ABHD3: variants seen among roughly 807,000 people sequenced by gnomAD.
The protein encoded by ABHD3 is phospholipase ABHD3.
ABHD3 carries 46 observed loss-of-function variants against 48.8 expected under a neutral mutation model. The observed-to-expected ratio is 0.94, with a 90% CI of 0.74 to 1.20. ABHD3 has a LOEUF of 1.20. ABHD3 is among the 50% of genes most tolerant of loss of function. The pLI is 0.00. For missense variants in ABHD3, 490 were observed against 497.8 expected, an observed-to-expected ratio of 0.98 and a Z score of 0.15; for synonymous variants, 192 against 183.7, an observed-to-expected ratio of 1.04 and a Z score of -0.36.
chr18:21,694,576 G>A (rs768632584), intron 3 of ABHD3, among the ~76,000 whole-genome samples: 3 of 152,148 alleles, frequency 2.0e-5, no homozygotes, highest in Non-Finnish European at 2.9e-5. Context: ...CTCTAAGTAG[G>A]AAATAAAGTA....
intron 3 of ABHD3, among the ~76,000 whole-genome samples, chr18:21,698,517 T>C (rs747461320): frequency 2.0e-5 from 3 of 151,814 alleles, no homozygotes; most frequent in East Asian, 1.9e-4. Context: ...GGCCAGGGAA[T>C]AGATGATGAG....
chr18:21,670,142 T>C (rs2039723935), intron 4 of ABHD3, among the ~76,000 whole-genome samples: 1 of 152,126 alleles, frequency 6.6e-6, no homozygotes, highest in Admixed American at 6.6e-5. Flanking sequence ...TTGAAGCCTA[T>C]CCTGGAGGAT....
intron 3 of ABHD3, among the ~76,000 whole-genome samples, chr18:21,700,954 A>G (rs1239943091): frequency 1.5e-5 from 1 of 67,362 alleles, no homozygotes; most frequent in East Asian, 5.3e-4. Flanking sequence ...TTTGGCCTCA[A>G]AAAAAAAAAA....
rs572353320 is a variant in ABHD3 at position 21,651,794 on chromosome 18, GAGA to G, written c.1058-34_1058-32del. On this transcript the variant is annotated intron_variant, in intron 8 of 8. Coordinates refer to ENST00000289119, the MANE Select transcript of ABHD3 (RefSeq NM_138340.5). Reference sequence around the variant, plus strand: ...GACCAAAAAAAACATGGCAATAAGAGAGAAGAAGGAGAGAGAAAAATATAATCA... The same window carrying G: ...GACCAAAAAAAACATGGCAATAAGAGAGAAGGAGAGAGAAAAATATAATCA... The G allele has an allele frequency of 4.0e-4, 597 of 1,489,926 alleles. 2 individuals are homozygous for G. The highest frequency in any genetic ancestry group is 1.1e-3 in the Middle Eastern group (6 of 5,420). The allele number at this position is 1,489,926 out of a possible 1,614,324, so 92.3% of individuals were successfully genotyped here. A position where few individuals can be genotyped will look rare whatever the true frequency, so the allele number is the denominator to read the frequency against.
chr18:21,676,717 C>T (rs1204673359), intron 4 of ABHD3, among the ~76,000 whole-genome samples: 3 of 152,184 alleles, frequency 2.0e-5, no homozygotes, highest in Non-Finnish European at 2.9e-5. Flanking sequence ...TCTATCTCAG[C>T]TCCTTATCTT....
rs146631314 is a variant in ABHD3 at position 21,681,939 on chromosome 18, C to G, written c.555+1981G>C. On this transcript the variant is annotated intron_variant, in intron 4 of 8. Transcript: ENST00000289119. ...AGGAGTTTAAGAGCAGCCTGGGCAA[C>G]AGAGTGAGACCCCATCTCTACAAAA... Among the ~76,000 whole-genome samples the G allele has an allele frequency of 9.9e-5, 15 of 152,174 alleles. No homozygotes were observed. The East Asian group carries it at 2.7e-3, about 27-fold the overall frequency.
intron 4 of ABHD3, among the ~76,000 whole-genome samples, chr18:21,678,525 T>G (rs2039939279): frequency 2.0e-5 from 3 of 152,150 alleles, no homozygotes; most frequent in African/African-American, 7.2e-5. Context: ...TTGCCTATTT[T>G]GAATATTAGT....
chr18:21,692,629 C>T (rs866476937), intron 3 of ABHD3, among the ~76,000 whole-genome samples: 26 of 152,254 alleles, frequency 1.7e-4, no homozygotes, highest in African/African-American at 2.2e-4. Context: ...GTGTCTTTAA[C>T]GTGAGGAAGC....
chr18:21,651,920 G>T (rs1287530310), intron 8 of ABHD3, among the ~76,000 whole-genome samples, 157 bp from the exon 9 acceptor site: 1 of 152,072 alleles, frequency 6.6e-6, no homozygotes, highest in East Asian at 1.9e-4. Context: ...ATAGTTAAAT[G>T]GAATGAGTCT....
chr18:21,657,219 A>C, intron 6 of ABHD3, 67 bp from the exon 7 acceptor site: 1 of 1,448,462 alleles, frequency 6.9e-7, no homozygotes. Context: ...AAAAGGACTT[A>C]AAAACAAATT....
rs1462347055 is a variant in ABHD3, at chr18:21,657,049, AT to A, written c.892-24del. 5 of 1,613,884 alleles carry A rather than the reference AT, an allele frequency of 3.1e-6. No homozygotes were observed. The Admixed American group carries it at 8.3e-5, about 27-fold the overall frequency. On this transcript the variant is annotated intron_variant, in intron 7 of 8. Transcript: ENST00000289119. Reference sequence around the variant, plus strand: ...AGCCTGAAACACAAAAACAAATTATATCTAGTCTTGCCCAAAAGAAGAAATA... The same window carrying A: ...AGCCTGAAACACAAAAACAAATTATACTAGTCTTGCCCAAAAGAAGAAATA...
At chr18:21,653,428 C>A (rs973295588) in intron 8 of ABHD3, among the ~76,000 whole-genome samples, 1 of 151,410 alleles carries the variant, frequency 6.6e-6, no homozygotes, top group South Asian at 2.1e-4. Context: ...GGATTACAGG[C>A]GTATGCTACC....
At chr18:21,662,814 T>C (rs1229314878) in intron 5 of ABHD3, among the ~76,000 whole-genome samples, 2 of 152,206 alleles carry the variant, frequency 1.3e-5, no homozygotes, top group East Asian at 3.9e-4. Flanking sequence ...GAGGCTTCAA[T>C]GCGGCACGAA....
intron 4 of ABHD3, among the ~76,000 whole-genome samples, chr18:21,673,896 C>T (rs1478307983): frequency 6.6e-6 from 1 of 152,174 alleles, no homozygotes; most frequent in Non-Finnish European, 1.5e-5. Context: ...TGAGCCATCA[C>T]ACCTGGCCAG....
intron 6 of ABHD3, among the ~76,000 whole-genome samples, chr18:21,657,930 G>A (rs1218790414): frequency 6.6e-6 from 1 of 152,110 alleles, no homozygotes; most frequent in Non-Finnish European, 1.5e-5. Flanking sequence ...TGGGCGGGGG[G>A]CTCACGTCTG....
At chr18:21,664,329 G>T in intron 4 of ABHD3, 99 bp from the exon 5 acceptor site, 1 of 1,098,096 alleles carries the variant, frequency 9.1e-7, no homozygotes, top group African/African-American at 1.6e-5. Flanking sequence ...ATACATATGA[G>T]AAAATAACCT....
intron 5 of ABHD3, chr18:21,663,730 T>C (rs1019573543): frequency 3.9e-6 from 6 of 1,535,488 alleles, no homozygotes; most frequent in Non-Finnish European, 5.2e-6. Context: ...CAATAAGTGA[T>C]TATTTCTGTA....
intron 4 of ABHD3, chr18:21,682,844 G>A (rs1431738904): frequency 1.3e-5 from 2 of 152,182 alleles, no homozygotes; most frequent in Non-Finnish European, 2.9e-5. Flanking sequence ...TCCCTTTAGA[G>A]TACTATCTGT....
At position 21,677,034 on chromosome 18, in the gene ABHD3, C is replaced by T. The variant is rs549237439; in HGVS notation, c.555+6886G>A. 5.9e-5 allele frequency among the ~76,000 whole-genome samples: 9 copies of T among 152,220 alleles called. No homozygotes were observed. In the South Asian group the frequency reaches 1.7e-3, roughly 28 times the overall value. On this transcript the variant is annotated intron_variant, in intron 4 of 8. Coordinates refer to ENST00000289119, the MANE Select transcript of ABHD3 (RefSeq NM_138340.5). The stretch of plus-strand genomic sequence containing the variant: ...AAAAGAAACCTCCATTAGCAATCAT[C>T]GTCCACCTCAAGCCTTAGGTGACCA...
Sources: allele counts gnomAD v4.1 joint callset (sites outside exome capture counted in the v4.1 genomes callset), GRCh38; gene constraint gnomAD v4.1.1; transcripts MANE v1.5; gene names NCBI Gene and HGNC (gene_info 2026-07-23, HGNC 2026-07-21).